Variants in ZNF804A observed in about 807,000 individuals in gnomAD.
ZNF804A encodes the protein zinc finger protein 804A.
Under a neutral mutation model 16.5 loss-of-function variants are expected in ZNF804A, and 2 were observed. The ratio of observed to expected loss-of-function variants is 0.12; its 90% CI spans 0.05 to 0.38. The LOEUF is 0.38. Ranked by LOEUF, ZNF804A falls within the 10% of genes least tolerant of loss-of-function variation. The pLI is 0.99. For missense variants in ZNF804A, 1,473 were observed against 1,390.7 expected (o/e 1.06, Z -0.94); for synonymous variants, 534 against 489.6 (o/e 1.09, Z -1.20).
chr2:184,937,423 C>T lies in ZNF804A; in HGVS notation c.2027C>T (p.Thr676Ile). Reference sequence around the variant, plus strand: ...AGTGACAATGAAGAAATGTGTAAAACATGGAATACTGAATACAACACTTAT... The same window carrying T: ...AGTGACAATGAAGAAATGTGTAAAATATGGAATACTGAATACAACACTTAT... ...SLSDNEEMCK[T>I]WNTEYNTYDT... The change falls in exon 4 of 4, where the codon ACA (threonine) becomes ATA (isoleucine). Residue 676 changes from threonine (T) to isoleucine (I), a missense_variant. Transcript: ENST00000302277. The T allele has an allele frequency of 6.2e-7, 1 of 1,612,536 alleles. No individual in the cohort carries two copies. The highest frequency in any genetic ancestry group is 2.2e-5 in the East Asian group (1 of 44,814).
intron 1 of ZNF804A, among the ~76,000 whole-genome samples, chr2:184,794,910 C>G (rs1003272518): frequency 2.0e-5 from 3 of 151,550 alleles, no homozygotes; most frequent in African/African-American, 7.3e-5. Context: ...CTGGAGTTCC[C>G]AAATTTATAA....
Position 184,936,201 on chromosome 2 carries a change from T to C in ZNF804A, c.805T>C (p.Leu269=). The C allele has an allele frequency of 6.2e-7, 1 of 1,614,060 alleles. No individual in the cohort carries two copies. The highest frequency in any genetic ancestry group is 8.5e-7 in the Non-Finnish European group (1 of 1,179,944). The change falls in exon 4 of 4, where the codon TTG becomes CTG. Residue 269 remains leucine (L), a synonymous_variant. Coordinates refer to ENST00000302277, the MANE Select transcript of ZNF804A (RefSeq NM_194250.2). ...LQQSSPTDVL[L]SSEEKTNSFH... ...ACAATCTTCACCAACAGATGTGCTT[T>C]TGAGTTCTGAGGAGAAAACTAACTC...
At chr2:184,615,871 T>C (rs1574132709) in intron 1 of ZNF804A, among the ~76,000 whole-genome samples, 1 of 152,122 alleles carries the variant, frequency 6.6e-6, no homozygotes, top group East Asian at 1.9e-4. Flanking sequence ...CCAGCGAGTC[T>C]TCAGTCACCA....
intron 1 of ZNF804A, among the ~76,000 whole-genome samples, chr2:184,830,110 CCACA>C (rs151005970): frequency 0.15 from 20,633 of 141,522 alleles, 1,619 homozygotes; most frequent in East Asian, 0.31. Flanking sequence ...ACACACCCAC[CCACA>C]CACACACACA....
At chr2:184,636,448 T>C (rs1408680405) in intron 1 of ZNF804A, among the ~76,000 whole-genome samples, 1 of 137,826 alleles carries the variant, frequency 7.3e-6, no homozygotes, top group Non-Finnish European at 1.6e-5. Context: ...TGTGTGTGTG[T>C]GTGTGAGAGA....
chr2:184,664,338 A>G (rs936825308), intron 1 of ZNF804A, among the ~76,000 whole-genome samples: 1 of 152,214 alleles, frequency 6.6e-6, no homozygotes, highest in African/African-American at 2.4e-5. Context: ...GTTGAAGAGT[A>G]TAAATTATAA....
chr2:184,759,253 C>T (rs1694005054), intron 1 of ZNF804A, among the ~76,000 whole-genome samples: 1 of 150,934 alleles, frequency 6.6e-6, no homozygotes, highest in Non-Finnish European at 1.5e-5. Context: ...TAAAAGAGTG[C>T]ATTGTTAAAA....
At chr2:184,758,114 A>G (rs1379005945) in intron 1 of ZNF804A, among the ~76,000 whole-genome samples, 1 of 152,030 alleles carries the variant, frequency 6.6e-6, no homozygotes, top group Admixed American at 6.6e-5. Context: ...TGTAGACTCT[A>G]CTATGGGGAA....
At chr2:184,687,819 T>C (rs2105723253) in intron 1 of ZNF804A, among the ~76,000 whole-genome samples, 1 of 152,280 alleles carries the variant, frequency 6.6e-6, no homozygotes, top group South Asian at 2.1e-4. Context: ...ACAGGCCAAA[T>C]GTGAAAACAA....
At chr2:184,694,081 A>G (rs1436964424) in intron 1 of ZNF804A, among the ~76,000 whole-genome samples, 2 of 151,396 alleles carry the variant, frequency 1.3e-5, no homozygotes, top group African/African-American at 4.9e-5. Context: ...GGTGTGTGTG[A>G]CCACATCCTG....
chr2:184,928,851 C>T lies in ZNF804A; in HGVS notation c.256-4752C>T, dbSNP rs116299774. On this transcript the variant is annotated intron_variant, in intron 2 of 3. Coordinates refer to ENST00000302277, the MANE Select transcript of ZNF804A (RefSeq NM_194250.2). Reference sequence around the variant, plus strand: ...TCAACATAACGTCTCACAGTTGTTTCTCTCTCACTCTCTCAAGTGTGCAGA... The same window carrying T: ...TCAACATAACGTCTCACAGTTGTTTTTCTCTCACTCTCTCAAGTGTGCAGA... 6.0e-3 allele frequency among the ~76,000 whole-genome samples: 909 copies of T among 152,254 alleles called. 5 individuals carry two copies. The highest frequency in any genetic ancestry group is 0.018 in the African/African-American group (764 of 41,560).
chr2:184,737,627 T>G (rs1337674305), intron 1 of ZNF804A, among the ~76,000 whole-genome samples: 2 of 152,184 alleles, frequency 1.3e-5, no homozygotes, highest in African/African-American at 2.4e-5. Flanking sequence ...TGTTTAATTT[T>G]CTCATATTTA....
intron 1 of ZNF804A, among the ~76,000 whole-genome samples, chr2:184,765,167 G>T (rs77166197): frequency 6.6e-6 from 1 of 152,178 alleles, no homozygotes; most frequent in South Asian, 2.1e-4. Context: ...GAATTGTTTT[G>T]TAGAGAGCCA....
intron 1 of ZNF804A, among the ~76,000 whole-genome samples, chr2:184,748,892 T>C (rs1442213839): frequency 1.3e-5 from 2 of 151,480 alleles, no homozygotes. Flanking sequence ...TATCAGCATG[T>C]TGTAGGTGTG....
At chr2:184,796,191 G>T (rs1421078461) in intron 1 of ZNF804A, among the ~76,000 whole-genome samples, 1 of 151,976 alleles carries the variant, frequency 6.6e-6, no homozygotes, top group African/African-American at 2.4e-5. Flanking sequence ...TTTTGGTTAT[G>T]TCCATTCCTG....
chr2:184,803,546 C>A (rs904174396), intron 1 of ZNF804A, among the ~76,000 whole-genome samples: 1 of 152,050 alleles, frequency 6.6e-6, no homozygotes, highest in Non-Finnish European at 1.5e-5. Context: ...GTGCTAGATA[C>A]CCTGTTGTTG....
Position 184,936,800 on chromosome 2 carries a change from A to C in ZNF804A, c.1404A>C (p.Lys468Asn), listed in dbSNP as rs752386720. 1 of 1,613,514 alleles carries C rather than the reference A, an allele frequency of 6.2e-7. No individual in the cohort carries two copies. The highest frequency in any genetic ancestry group is 1.1e-5 in the South Asian group (1 of 91,030). The change falls in exon 4 of 4, where the codon AAA (lysine) becomes AAC (asparagine). Residue 468 changes from lysine (K) to asparagine (N), a missense_variant. Coordinates refer to ENST00000302277, the MANE Select transcript of ZNF804A (RefSeq NM_194250.2). ...NPLCFDFKSTKVNNNLDKNKP... is the reference protein window; with the variant it reads ...NPLCFDFKSTNVNNNLDKNKP... ...TATGTTTTGACTTCAAGTCTACTAA[A>C]GTAAATAATAATCTAGATAAAAATA... is the stretch of plus-strand genomic sequence containing the variant.
At chr2:184,718,911 C>A (rs999583384) in intron 1 of ZNF804A, among the ~76,000 whole-genome samples, 2 of 152,070 alleles carry the variant, frequency 1.3e-5, no homozygotes, top group Non-Finnish European at 2.9e-5. Context: ...AGGCGGTGCC[C>A]CAGTGGGGAT....
chr2:184,765,319 T>G (rs1241089995), intron 1 of ZNF804A, among the ~76,000 whole-genome samples: 2 of 152,078 alleles, frequency 1.3e-5, no homozygotes, highest in Non-Finnish European at 2.9e-5. Flanking sequence ...AGAGCACCCC[T>G]CCTGTCGTCT....
Sources: allele counts gnomAD v4.1 joint callset (sites outside exome capture counted in the v4.1 genomes callset), GRCh38; gene constraint gnomAD v4.1.1; transcripts MANE v1.5; gene names NCBI Gene and HGNC (gene_info 2026-07-23, HGNC 2026-07-21).